AIFM1: variants seen among roughly 807,000 people sequenced by gnomAD.
AIFM1 encodes apoptosis inducing factor mitochondria associated 1.
A neutral mutation model predicts 51.7 loss-of-function variants in AIFM1; 3 were observed. The ratio of observed to expected loss-of-function variants is 0.06; its 90% confidence interval spans 0.03 to 0.15. AIFM1 has a LOEUF of 0.15. Among genes scored for constraint, AIFM1 ranks in the 10% least tolerant of loss-of-function variants. AIFM1 has a pLI of 1.00. For missense variants in AIFM1, 330 were observed against 476.8 expected, an observed-to-expected ratio of 0.69 and a Z score of 2.87; for synonymous variants, 178 against 179.4, an observed-to-expected ratio of 0.99 and a Z score of 0.06.
In AIFM1 at chrX:130,136,820, G is replaced by A. The variant is rs2030361774; in HGVS notation, c.1076-89C>T. ...AAGCTGACCAGCGGTCTCCTCCACG[G>A]TAAAACCAATTATCAGTACACAGGC... On this transcript the variant is annotated intron_variant, in intron 10 of 15. Coordinates refer to ENST00000287295, the MANE Select transcript of AIFM1 (RefSeq NM_004208.4). 48 of 1,061,031 alleles carry A rather than the reference G, an allele frequency of 4.5e-5. No homozygotes were observed. The Admixed American group carries it at 9.4e-4, about 21-fold the overall frequency. 87.4% of individuals were successfully genotyped at this position (1,061,031 alleles called of 1,213,427 possible).
chrX:130,131,559 A>T, intron 14 of AIFM1, 116 bp downstream of exon 14: 1 of 1,059,589 alleles, frequency 9.4e-7, no homozygotes, highest in Non-Finnish European at 1.3e-6. Flanking sequence ...AAAGCACAAC[A>T]TGAAGAGAGG....
rs868579519 is a variant in AIFM1 at position 130,137,410 on chromosome X, T to A, written c.968-225A>T. 4.4e-5 allele frequency: 51 copies of A among 1,157,089 alleles called. No homozygotes were observed. The African/African-American group carries it at 8.3e-4, about 19-fold the overall frequency. ...CAGAACTGCTGGCCCCAGATTAAGC[T>A]TCAGATGGTGAACTCTGTGCACTTC... is the stretch of plus-strand genomic sequence containing the variant. On this transcript the variant is annotated intron_variant, in intron 9 of 15. Coordinates refer to ENST00000287295, the MANE Select transcript of AIFM1 (RefSeq NM_004208.4).
At chrX:130,157,748 C>A (rs758333964) in intron 1 of AIFM1, among the ~76,000 whole-genome samples, 1 of 109,328 alleles carries the variant, frequency 9.1e-6, no homozygotes, top group African/African-American at 3.3e-5. Context: ...GGGCAGATCA[C>A]GAGGTCAAGA....
chrX:130,129,540 A>G lies in AIFM1; in HGVS notation c.*17T>C. 6 of 1,207,625 alleles carry G rather than the reference A, an allele frequency of 5.0e-6. No individual in the cohort carries two copies. Among genetic ancestry groups the G allele is most frequent in the Non-Finnish European group, 6.7e-6 (6 of 891,635 alleles). ...TCTCAGGGGCTGCAGTGGGTTTGCC[A>G]ATTCCACTGTGGGGCTTCAGTCTTC... On this transcript the variant is annotated 3_prime_UTR_variant, in exon 16 of 16. Transcript: ENST00000287295.
At chrX:130,163,875 G>A (rs1206309275) in intron 1 of AIFM1, among the ~76,000 whole-genome samples, 2 of 110,548 alleles carry the variant, frequency 1.8e-5, no homozygotes, top group South Asian at 7.6e-4. Context: ...TCAGGTTATC[G>A]CCGGGCGCGG....
At chrX:130,143,489 A>G (rs1762207615) in intron 6 of AIFM1, among the ~76,000 whole-genome samples, 1 of 110,793 alleles carries the variant, frequency 9.0e-6, no homozygotes, top group African/African-American at 3.3e-5. Context: ...CCAACCACCA[A>G]GCCTCATCAA....
chrX:130,141,404 T>C (rs1201209312), intron 6 of AIFM1, among the ~76,000 whole-genome samples: 1 of 111,929 alleles, frequency 8.9e-6, no homozygotes, highest in Non-Finnish European at 1.9e-5. Context: ...CAGCCTTTCT[T>C]ATATGGCTGT....
chrX:130,138,359 G>A (rs2030448700), intron 9 of AIFM1, among the ~76,000 whole-genome samples: 1 of 110,667 alleles, frequency 9.0e-6, no homozygotes, highest in Admixed American at 9.7e-5. Flanking sequence ...CAGCTACTCG[G>A]GAGGCTGAGG....
intron 6 of AIFM1, among the ~76,000 whole-genome samples, chrX:130,143,850 A>T (rs1039906158): frequency 2.7e-5 from 3 of 110,890 alleles, no homozygotes; most frequent in African/African-American, 9.9e-5. Flanking sequence ...CTGTCTCAAA[A>T]AAAAAAAGTA....
At chrX:130,146,451 A>ATGTGTGTGTGTGTGTGTGTGTG (rs60694841) in intron 5 of AIFM1, among the ~76,000 whole-genome samples, 4 of 89,435 alleles carry the variant, frequency 4.5e-5, no homozygotes, top group African/African-American at 1.7e-4. Context: ...CTCTCAAAAT[A>ATGTGTGTGTGTGTGTGTGTGTG]TGTGTGTGTG....
chrX:130,145,914 A>G (rs2030734069), intron 5 of AIFM1, among the ~76,000 whole-genome samples: 1 of 111,590 alleles, frequency 9.0e-6, no homozygotes, highest in Non-Finnish European at 1.9e-5. Flanking sequence ...CCCCCAGCAA[A>G]GCGTTATCCT....
intron 10 of AIFM1, 80 bp downstream of exon 10, chrX:130,136,998 G>A: frequency 8.3e-7 from 1 of 1,208,221 alleles, no homozygotes; most frequent in Non-Finnish European, 1.1e-6. Context: ...TATGTCAAGG[G>A]GGTTCCTATA....
At chrX:130,140,997 TC>T (rs1156748304) in intron 6 of AIFM1, among the ~76,000 whole-genome samples, 1 of 112,188 alleles carries the variant, frequency 8.9e-6, no homozygotes, top group African/African-American at 3.2e-5. Context: ...ATGCCTGTGG[TC>T]CCAGCTACTG....
At chrX:130,148,061 T>C in intron 3 of AIFM1, 185 bp from the exon 4 acceptor site, 1 of 535,266 alleles carries the variant, frequency 1.9e-6, no homozygotes, top group South Asian at 3.0e-5. Context: ...AAGTATCCCT[T>C]TCATTTCATA....
At chrX:130,136,834 C>T in intron 10 of AIFM1, 103 bp from the exon 11 acceptor site, 1 of 1,026,628 alleles carries the variant, frequency 9.7e-7, no homozygotes, top group Admixed American at 2.3e-5. Flanking sequence ...AACCAATTAT[C>T]AGTACACAGG....
At chrX:130,140,441 T>C (rs2030534826) in intron 7 of AIFM1, 92 bp downstream of exon 7, 1 of 774,269 alleles carries the variant, frequency 1.3e-6, no homozygotes, top group Admixed American at 2.2e-5. Flanking sequence ...GTTTCCATTT[T>C]CTTAAGTAGT....
chrX:130,151,558 G>A (rs1202830825), intron 2 of AIFM1, among the ~76,000 whole-genome samples: 1 of 112,041 alleles, frequency 8.9e-6, no homozygotes, highest in Non-Finnish European at 1.9e-5. Flanking sequence ...AGCATTTAAC[G>A]TTGTGACAAA....
At chrX:130,136,769 G>A (rs1301897456) in intron 10 of AIFM1, 38 bp from the exon 11 acceptor site, 1 of 1,164,210 alleles carries the variant, frequency 8.6e-7, no homozygotes, top group Non-Finnish European at 1.2e-6. Flanking sequence ...GAGCCTACAA[G>A]GCTATCACTT....
chrX:130,165,830 G>T lies in AIFM1; in HGVS notation c.-174C>A. The T allele has an allele frequency of 2.0e-6, 1 of 506,167 alleles. No individual in the cohort carries two copies. Among genetic ancestry groups the T allele is most frequent in the Non-Finnish European group, 3.5e-6 (1 of 281,863 alleles). The allele number at this position is 506,167 out of a possible 1,213,427, so 41.7% of individuals were successfully genotyped here. Reference sequence around the variant, plus strand: ...CAGAGAAGCCGGCCTGCTAGAGCCGGGGAAGGGGAACGGCGACCGGAGGCC... The same window carrying T: ...CAGAGAAGCCGGCCTGCTAGAGCCGTGGAAGGGGAACGGCGACCGGAGGCC... On this transcript the variant is annotated 5_prime_UTR_variant, in exon 1 of 16. Coordinates refer to ENST00000287295, the MANE Select transcript of AIFM1 (RefSeq NM_004208.4).
Sources: gnomAD v4.1 joint callset for allele counts (sites outside exome capture counted in the v4.1 genomes callset) on GRCh38, gnomAD v4.1.1 for gene constraint, MANE v1.5 for transcripts, NCBI Gene and HGNC (gene_info 2026-07-23, HGNC 2026-07-21) for gene names.